Variants in MAGI2 observed in about 807,000 individuals in gnomAD.
MAGI2 encodes the protein membrane-associated guanylate kinase, WW and PDZ domain-containing protein 2.
In MAGI2, 35 loss-of-function variants were observed where a neutral mutation model predicts 133.3. That is an observed-to-expected ratio of 0.26 (90% confidence interval 0.20 to 0.35). The LOEUF is 0.35. Ranked by LOEUF, MAGI2 falls within the 10% of genes least tolerant of loss-of-function variation. The probability of loss-of-function intolerance (pLI) is 1.00; values close to 1 mark genes in which losing one functional copy is unlikely to be tolerated. For missense variants in MAGI2, 1,636 were observed against 1,863.4 expected (o/e 0.88, Z 2.25); for synonymous variants, 729 against 710.6 (o/e 1.03, Z -0.41).
At chr7:78,127,104 A>G (rs551372239) in intron 19 of MAGI2, 93 bp downstream of exon 19, 1 of 1,002,048 alleles carries the variant, frequency 1.0e-6, no homozygotes, top group Non-Finnish European at 1.5e-6. Context: ...TCCATCCCAG[A>G]CAGGTACTCT....
chr7:78,063,232 ATTTTTT>A (rs1471083431), intron 21 of MAGI2, among the ~76,000 whole-genome samples: 1 of 101,224 alleles, frequency 9.9e-6, no homozygotes, highest in South Asian at 3.5e-4. Context: ...GATAGAAGGT[ATTTTTT>A]TCTTTTCTTT....
At chr7:78,554,859 G>A (rs902426798) in intron 3 of MAGI2, among the ~76,000 whole-genome samples, 25 of 152,032 alleles carry the variant, frequency 1.6e-4, no homozygotes, top group African/African-American at 5.6e-4. Flanking sequence ...TAGTTTGGCC[G>A]GGCATGGTGG....
chr7:79,043,893 A>C (rs1175494756), intron 1 of MAGI2, among the ~76,000 whole-genome samples: 1 of 152,130 alleles, frequency 6.6e-6, no homozygotes, highest in African/African-American at 2.4e-5. Flanking sequence ...GTGAATATTG[A>C]GTGTGAATAC....
chr7:79,443,324 T>C (rs568506165), intron 1 of MAGI2, among the ~76,000 whole-genome samples: 132 of 149,134 alleles, frequency 8.9e-4, no homozygotes, highest in African/African-American at 3.1e-3. Flanking sequence ...GTGTATTCCA[T>C]GTACCTAAAG....
intron 3 of MAGI2, among the ~76,000 whole-genome samples, chr7:78,530,868 G>C (rs1019813176): frequency 2.6e-5 from 4 of 152,102 alleles, no homozygotes; most frequent in Non-Finnish European, 4.4e-5. Context: ...GGCTCCATAT[G>C]ATGCTTGCAT....
intron 10 of MAGI2, among the ~76,000 whole-genome samples, chr7:78,237,333 G>A (rs1336136653): frequency 6.6e-6 from 1 of 152,062 alleles, no homozygotes; most frequent in African/African-American, 2.4e-5. Context: ...AGATTTGAGG[G>A]TACATGTGCA....
rs1806756487 is a variant in MAGI2 at position 79,000,540 on chromosome 7, GT to G, written c.418+6549del. Among the ~76,000 whole-genome samples the G allele has an allele frequency of 2.0e-5, 3 of 152,118 alleles. No homozygotes were observed. In the South Asian group the frequency reaches 6.2e-4, roughly 32 times the overall value. On this transcript the variant is annotated intron_variant, in intron 2 of 21. Transcript: ENST00000354212. ...GTGGCCAACGAGCCTCACTCTAACA[GT>G]CCTCTGTGATCATAGTCTTCTAGGG...
intron 1 of MAGI2, among the ~76,000 whole-genome samples, chr7:79,173,855 C>G (rs1279934630): frequency 1.3e-5 from 2 of 151,882 alleles, no homozygotes; most frequent in Non-Finnish European, 2.9e-5. Flanking sequence ...TTAACATATA[C>G]CAGAATATCA....
intron 3 of MAGI2, among the ~76,000 whole-genome samples, chr7:78,594,646 C>T (rs1290920542): frequency 1.3e-5 from 2 of 151,940 alleles, no homozygotes; most frequent in Non-Finnish European, 2.9e-5. Flanking sequence ...TTAGTAGAGA[C>T]GGGGTTTCAC....
intron 2 of MAGI2, among the ~76,000 whole-genome samples, chr7:78,649,376 T>G (rs1811300663): frequency 6.6e-6 from 1 of 152,042 alleles, no homozygotes; most frequent in Non-Finnish European, 1.5e-5. Context: ...CCCCTGTTTT[T>G]TATTTTAAAG....
intron 2 of MAGI2, among the ~76,000 whole-genome samples, chr7:78,823,354 C>T (rs564574203): frequency 1.3e-5 from 2 of 151,872 alleles, no homozygotes; most frequent in African/African-American, 4.8e-5. Flanking sequence ...GAGGCCGAGG[C>T]GGGTGGATCA....
chr7:79,031,304 C>A (rs924896089), intron 1 of MAGI2, among the ~76,000 whole-genome samples: 4 of 148,954 alleles, frequency 2.7e-5, no homozygotes, highest in Admixed American at 1.3e-4. Flanking sequence ...TTGTCATCAT[C>A]CCCTACAATG....
chr7:78,392,629 T>A (rs1795996861), intron 6 of MAGI2, among the ~76,000 whole-genome samples: 1 of 152,156 alleles, frequency 6.6e-6, no homozygotes. Context: ...CACGCACTTG[T>A]ATTCTTATTT....
At chr7:78,875,163 G>A (rs512484) in intron 2 of MAGI2, among the ~76,000 whole-genome samples, 1 of 151,792 alleles carries the variant, frequency 6.6e-6, no homozygotes, top group African/African-American at 2.4e-5. Flanking sequence ...GGGGACAGCT[G>A]GGGCAAAGAA....
intron 2 of MAGI2, among the ~76,000 whole-genome samples, chr7:78,893,883 A>T (rs1048026055): frequency 3.9e-5 from 6 of 152,038 alleles, no homozygotes; most frequent in East Asian, 3.8e-4. Flanking sequence ...TAATAATAAT[A>T]AAAAAAAGAA....
chr7:78,474,588 A>G (rs1264847841), intron 6 of MAGI2, among the ~76,000 whole-genome samples: 1 of 151,952 alleles, frequency 6.6e-6, no homozygotes, highest in Non-Finnish European at 1.5e-5. Flanking sequence ...TAAACCTCAA[A>G]CAAGCTTCCA....
chr7:78,560,546 T>A (rs1026334406), intron 3 of MAGI2, among the ~76,000 whole-genome samples: 6 of 152,082 alleles, frequency 3.9e-5, no homozygotes, highest in Non-Finnish European at 5.9e-5. Context: ...TACTTTAAAA[T>A]TTTTTTAAAA....
At chr7:78,087,946 T>C (rs1816804335) in intron 20 of MAGI2, among the ~76,000 whole-genome samples, 1 of 152,192 alleles carries the variant, frequency 6.6e-6, no homozygotes. Flanking sequence ...GAAAAGAAAC[T>C]GGGGCAATAT....
intron 2 of MAGI2, among the ~76,000 whole-genome samples, chr7:78,797,388 GA>G (rs1787703473): frequency 6.6e-6 from 1 of 151,984 alleles, no homozygotes; most frequent in Non-Finnish European, 1.5e-5. Flanking sequence ...GTGAGCTCTA[GA>G]AACCCTAAAT....
Sources: gnomAD v4.1 joint callset for allele counts (sites outside exome capture counted in the v4.1 genomes callset) on GRCh38, gnomAD v4.1.1 for gene constraint, MANE v1.5 for transcripts, NCBI Gene and HGNC (gene_info 2026-07-23, HGNC 2026-07-21) for gene names.